PTPRD: variants seen among roughly 807,000 people sequenced by gnomAD.
PTPRD encodes protein tyrosine phosphatase receptor type D.
Under a neutral mutation model 214.5 loss-of-function variants are expected in PTPRD, and 34 were observed. The ratio of observed to expected loss-of-function variants is 0.16; its 90% CI spans 0.12 to 0.21. The LOEUF (loss-of-function observed/expected upper bound fraction) is 0.21, where lower values mean the gene tolerates loss of function less well. Among genes scored for constraint, PTPRD ranks in the 10% least tolerant of loss-of-function variants. PTPRD has a pLI of 1.00. For missense variants in PTPRD, 2,545 were observed against 2,398.7 expected, an observed-to-expected ratio of 1.06 and a Z score of -1.27; for synonymous variants, 1,128 against 845.7, an observed-to-expected ratio of 1.33 and a Z score of -5.79.
chr9:9,587,869 G>C (rs756973388), intron 7 of PTPRD, among the ~76,000 whole-genome samples: 1 of 151,932 alleles, frequency 6.6e-6, no homozygotes, highest in Non-Finnish European at 1.5e-5. Context: ...TGGAATTGGA[G>C]GATAAAGAGA....
At chr9:8,689,808 T>C (rs938048916) in intron 12 of PTPRD, among the ~76,000 whole-genome samples, 7 of 152,124 alleles carry the variant, frequency 4.6e-5, no homozygotes, top group African/African-American at 1.2e-4. Context: ...CTTATTTGGA[T>C]AGAATATTTA....
rs373576256 is a variant in PTPRD, at chr9:9,925,738, AC to A, written c.-368+12768del. Among the ~76,000 whole-genome samples, 735 of 152,090 alleles carry A rather than the reference AC, an allele frequency of 4.8e-3. 2 individuals are homozygous for A. Among genetic ancestry groups the A allele is most frequent in the African/African-American group, 0.016 (682 of 41,498 alleles). ...TGTCTCAAAAAATTTTCTTCTATGCACCTTTTTTCCTTTTATCTTTGTTTCA... is the reference window on the plus strand; with the variant it reads ...TGTCTCAAAAAATTTTCTTCTATGCACTTTTTTCCTTTTATCTTTGTTTCA... On this transcript the variant is annotated intron_variant, in intron 5 of 45. Transcript: ENST00000381196.
rs2082632 is a variant in PTPRD at position 8,794,253 on chromosome 9, G to C, written c.-103-60307C>G. On this transcript the variant is annotated intron_variant, in intron 11 of 45. Transcript: ENST00000381196. ...ATAAATGTGAATCATCTATAGTGTA[G>C]AGCAGATGGAAGTGCAATATGTTTA... Among the ~76,000 whole-genome samples, 4 of 151,906 alleles carry C rather than the reference G, an allele frequency of 2.6e-5. No individual in the cohort carries two copies. In the East Asian group the frequency reaches 5.8e-4, roughly 22 times the overall value.
In PTPRD at chr9:8,463,464, T is replaced by G. The variant is rs1398086317; in HGVS notation, c.3714+2002A>C. ...CATTTTGTAGGTGATGTTAAAACAGTTTCATAGACAGAACTAGGCAATACT... is the reference window on the plus strand; with the variant it reads ...CATTTTGTAGGTGATGTTAAAACAGGTTCATAGACAGAACTAGGCAATACT... On this transcript the variant is annotated intron_variant, in intron 32 of 45. Transcript: ENST00000381196. Among the ~76,000 whole-genome samples, 5 of 151,870 alleles carry G rather than the reference T, an allele frequency of 3.3e-5. No homozygotes were observed. In the South Asian group the frequency reaches 1.0e-3, roughly 31 times the overall value.
intron 44 of PTPRD, among the ~76,000 whole-genome samples, chr9:8,330,837 ACT>A (rs145038265): frequency 6.6e-6 from 1 of 152,086 alleles, no homozygotes; most frequent in African/African-American, 2.4e-5. Flanking sequence ...TTTTTAATAA[ACT>A]CTCTCAAGAG....
chr9:10,109,426 T>A (rs1470262023), intron 3 of PTPRD, among the ~76,000 whole-genome samples: 1 of 152,184 alleles, frequency 6.6e-6, no homozygotes, highest in Non-Finnish European at 1.5e-5. Flanking sequence ...TAAAATCGCA[T>A]GTACTACATA....
At chr9:10,094,206 T>G (rs1262728610) in intron 3 of PTPRD, among the ~76,000 whole-genome samples, 1 of 151,508 alleles carries the variant, frequency 6.6e-6, no homozygotes, top group African/African-American at 2.4e-5. Flanking sequence ...ATTTATCCTA[T>G]TTATTTAAAA....
intron 5 of PTPRD, among the ~76,000 whole-genome samples, chr9:9,849,087 T>A (rs1169655903): frequency 6.6e-6 from 1 of 151,862 alleles, no homozygotes; most frequent in Non-Finnish European, 1.5e-5. Flanking sequence ...CCTATGTTTT[T>A]AAATACATAG....
At chr9:8,491,574 CCAGATAGT>C (rs1390975991) in intron 27 of PTPRD, among the ~76,000 whole-genome samples, 15 of 151,382 alleles carry the variant, frequency 9.9e-5, no homozygotes, top group Non-Finnish European at 2.1e-4. Flanking sequence ...GGATCCACAG[CCAGATAGT>C]CATCATGCCA....
At chr9:9,732,875 G>C (rs2098223458) in intron 7 of PTPRD, among the ~76,000 whole-genome samples, 1 of 151,682 alleles carries the variant, frequency 6.6e-6, no homozygotes, top group Admixed American at 6.6e-5. Flanking sequence ...CTTGAACCCA[G>C]GAGGCCAGCA....
At chr9:9,313,042 A>G (rs1161446285) in intron 9 of PTPRD, among the ~76,000 whole-genome samples, 1 of 152,202 alleles carries the variant, frequency 6.6e-6, no homozygotes, top group African/African-American at 2.4e-5. Context: ...TATATAGCTC[A>G]CATTTATTTC....
At chr9:10,287,435 C>G (rs1195071272) in intron 3 of PTPRD, among the ~76,000 whole-genome samples, 1 of 152,112 alleles carries the variant, frequency 6.6e-6, no homozygotes, top group Middle Eastern at 3.2e-3. Context: ...GCATTCAGTC[C>G]CCGCATGGAG....
chr9:10,384,129 T>C (rs1197308736), intron 2 of PTPRD, among the ~76,000 whole-genome samples: 3 of 150,610 alleles, frequency 2.0e-5, no homozygotes, highest in African/African-American at 7.3e-5. Context: ...GCAGGGTGAC[T>C]ATAGTCAATA....
At chr9:9,037,752 C>T (rs539308463) in intron 10 of PTPRD, among the ~76,000 whole-genome samples, 1 of 152,256 alleles carries the variant, frequency 6.6e-6, no homozygotes, top group African/African-American at 2.4e-5. Context: ...TAGGATTAAG[C>T]ATTTAAGTAA....
intron 4 of PTPRD, among the ~76,000 whole-genome samples, chr9:9,974,364 G>A (rs2154053887): frequency 6.6e-6 from 1 of 152,200 alleles, no homozygotes; most frequent in South Asian, 2.1e-4. Flanking sequence ...TTTCTCCTTT[G>A]CTATTAAGGA....
intron 3 of PTPRD, among the ~76,000 whole-genome samples, chr9:10,045,004 G>A (rs2097363560): frequency 6.6e-6 from 1 of 151,672 alleles, no homozygotes; most frequent in Non-Finnish European, 1.5e-5. Flanking sequence ...TACTCTCTAT[G>A]CTGTTCCAGA....
At chr9:8,657,437 G>A (rs1403146324) in intron 12 of PTPRD, among the ~76,000 whole-genome samples, 6 of 151,922 alleles carry the variant, frequency 3.9e-5, no homozygotes, top group Non-Finnish European at 8.8e-5. Flanking sequence ...CCAAAGTGCT[G>A]GGATTACAGG....
chr9:8,516,135 A>G lies in PTPRD; in HGVS notation c.1543+1713T>C, dbSNP rs1029321626. 3.9e-4 allele frequency among the ~76,000 whole-genome samples: 60 copies of G among 152,222 alleles called. 1 individual carries two copies. Among genetic ancestry groups the G allele is most frequent in the South Asian group, 2.1e-4 (1 of 4,834 alleles). On this transcript the variant is annotated intron_variant, in intron 21 of 45. Coordinates refer to ENST00000381196, the MANE Select transcript of PTPRD (RefSeq NM_002839.4). ...ATGTAGCTGCTAAAACAGTATAATA[A>G]AAAGCAATCTCATAATAGTTAACCA...
At chr9:10,423,949 C>T (rs968912181) in intron 2 of PTPRD, among the ~76,000 whole-genome samples, 29 of 151,996 alleles carry the variant, frequency 1.9e-4, no homozygotes, top group African/African-American at 7.0e-4. Context: ...CAAGTCTGAA[C>T]CTTTCACTAA....
Sources: allele counts gnomAD v4.1 joint callset (sites outside exome capture counted in the v4.1 genomes callset), GRCh38; gene constraint gnomAD v4.1.1; transcripts MANE v1.5; gene names NCBI Gene and HGNC (gene_info 2026-07-23, HGNC 2026-07-21).